The following ZDHHC21 variants were observed in gnomAD, a reference collection of about 807,000 sequenced individuals.
ZDHHC21 encodes zDHHC palmitoyltransferase 21.
Under a neutral mutation model 34.6 loss-of-function variants are expected in ZDHHC21, and 15 were observed. The observed-to-expected ratio is 0.43, with a 90% CI of 0.29 to 0.67. The LOEUF (loss-of-function observed/expected upper bound fraction) is 0.67, where lower values mean the gene tolerates loss of function less well. Among genes scored for constraint, ZDHHC21 ranks in the 30% least tolerant of loss-of-function variants. The pLI is 0.14. For missense variants in ZDHHC21, 344 were observed against 327.7 expected (o/e 1.05, Z -0.38); for synonymous variants, 142 against 101.8 (o/e 1.40, Z -2.38).
chr9:14,635,465 T>C (rs1458286888), intron 8 of ZDHHC21, among the ~76,000 whole-genome samples: 2 of 152,240 alleles, frequency 1.3e-5, no homozygotes, highest in Non-Finnish European at 2.9e-5. Flanking sequence ...ATGAGGAATC[T>C]GCATCAGACT....
the ZDHHC21 span, among the ~76,000 whole-genome samples, chr9:14,592,529 C>G: frequency 6.6e-6 from 1 of 151,906 alleles, no homozygotes; most frequent in Non-Finnish European, 1.5e-5. Context: ...AAAGCAAAAC[C>G]TGAAAGAATT....
intron 5 of ZDHHC21, 32 bp downstream of exon 5, chr9:14,672,798 T>C: frequency 7.0e-7 from 1 of 1,432,102 alleles, no homozygotes; most frequent in Non-Finnish European, 9.7e-7. Flanking sequence ...AATTCTGGCA[T>C]CAGCAAAACT....
rs1010825682 is a variant in ZDHHC21 at position 14,616,188 on chromosome 9, G to A, written c.*2778C>T. On this transcript the variant is annotated 3_prime_UTR_variant, in exon 10 of 10. Coordinates refer to ENST00000380916, the MANE Select transcript of ZDHHC21 (RefSeq NM_178566.6). Reference sequence around the variant, plus strand: ...CAGAAAATGCTTGGTTGTCTTTGTAGCTACAATACATTTCTATGTTTTGTA... The same window carrying A: ...CAGAAAATGCTTGGTTGTCTTTGTAACTACAATACATTTCTATGTTTTGTA... 6 of 151,658 alleles carry A rather than the reference G, an allele frequency of 4.0e-5. No individual in the cohort carries two copies. The highest frequency in any genetic ancestry group is 1.5e-4 in the African/African-American group (6 of 41,360). 9.4% of individuals were successfully genotyped at this position (151,658 alleles called of 1,614,324 possible).
At chr9:14,590,521 T>C in the ZDHHC21 span, among the ~76,000 whole-genome samples, 4 of 151,684 alleles carry the variant, frequency 2.6e-5, no homozygotes, top group African/African-American at 9.7e-5. Context: ...AAATGACATA[T>C]TGAATAAAAG....
intron 7 of ZDHHC21, among the ~76,000 whole-genome samples, chr9:14,652,235 G>C (rs1831363012): frequency 6.6e-6 from 1 of 151,822 alleles, no homozygotes; most frequent in Non-Finnish European, 1.5e-5. Context: ...GATTTTTTAA[G>C]TTACTATTTC....
intron 8 of ZDHHC21, among the ~76,000 whole-genome samples, chr9:14,635,363 GTCT>G (rs2133640390): frequency 6.6e-6 from 1 of 152,226 alleles, no homozygotes; most frequent in African/African-American, 2.4e-5. Context: ...ATGCAAAAAG[GTCT>G]TCTCCGATTT....
intron 7 of ZDHHC21, among the ~76,000 whole-genome samples, chr9:14,642,374 T>A (rs1397605793): frequency 6.6e-6 from 1 of 152,204 alleles, no homozygotes; most frequent in East Asian, 1.9e-4. Context: ...ATCCAAAAAT[T>A]GGCTTAAAAA....
chr9:14,691,306 T>C lies in ZDHHC21; in HGVS notation c.-224-921A>G, dbSNP rs553155767. Among the ~76,000 whole-genome samples the C allele has an allele frequency of 3.3e-5, 5 of 152,350 alleles. No homozygotes were observed. In the East Asian group the frequency reaches 7.7e-4, roughly 24 times the overall value. ...AAGAGGTTTTCGGGAAAATGGCTTA[T>C]GGATGGCAGCAGTTTGCACTTGTTA... On this transcript the variant is annotated intron_variant, in intron 1 of 9. Transcript: ENST00000380916.
chr9:14,614,879 T>C lies in ZDHHC21; in HGVS notation c.*4087A>G, dbSNP rs1419069335. The C allele has an allele frequency of 6.6e-6, 1 of 151,646 alleles. No homozygotes were observed. The highest frequency in any genetic ancestry group is 1.5e-5 in the Non-Finnish European group (1 of 67,678). 9.4% of individuals were successfully genotyped at this position (151,646 alleles called of 1,614,324 possible). A position where few individuals can be genotyped will look rare whatever the true frequency, so the allele number is the denominator to read the frequency against. ...TTTTATCAAATAAATTCTAGATATA[T>C]CTATGTATATTAGAGGTCATGTCAG... On this transcript the variant is annotated 3_prime_UTR_variant, in exon 10 of 10. Coordinates refer to ENST00000380916, the MANE Select transcript of ZDHHC21 (RefSeq NM_178566.6).
At chr9:14,649,946 T>C (rs1354625812) in intron 7 of ZDHHC21, among the ~76,000 whole-genome samples, 1 of 152,028 alleles carries the variant, frequency 6.6e-6, no homozygotes, top group East Asian at 1.9e-4. Flanking sequence ...GACAATAAAA[T>C]TGCTGCCAGG....
intron 8 of ZDHHC21, among the ~76,000 whole-genome samples, chr9:14,636,596 G>T (rs1012991929): frequency 1.3e-5 from 2 of 152,036 alleles, no homozygotes; most frequent in African/African-American, 4.8e-5. Flanking sequence ...AACAGCTACA[G>T]AATACACATT....
At chr9:14,681,970 C>T (rs186714824) in intron 2 of ZDHHC21, among the ~76,000 whole-genome samples, 1 of 152,036 alleles carries the variant, frequency 6.6e-6, no homozygotes, top group African/African-American at 2.4e-5. Context: ...AAATAAAATC[C>T]TTTACAGACA....
intron 4 of ZDHHC21, among the ~76,000 whole-genome samples, 169 bp from the exon 5 acceptor site, chr9:14,673,097 G>C (rs1400230623): frequency 2.6e-5 from 4 of 151,908 alleles, no homozygotes; most frequent in East Asian, 3.9e-4. Context: ...ACACTGTCAG[G>C]AGGACTATCT....
rs778896153 is a variant in ZDHHC21 at position 14,618,954 on chromosome 9, C to T, written c.*12G>A. The T allele has an allele frequency of 1.9e-6, 3 of 1,587,358 alleles. No individual in the cohort carries two copies. The highest frequency in any genetic ancestry group is 2.6e-6 in the Non-Finnish European group (3 of 1,166,310). ...AGCATGGAGGACCCATCTGTGCCCA[C>T]CATCCATCTGTTTAGACATGATTGG... On this transcript the variant is annotated 3_prime_UTR_variant, in exon 10 of 10. Transcript: ENST00000380916.
At chr9:14,629,385 G>A (rs1257543416) in intron 8 of ZDHHC21, among the ~76,000 whole-genome samples, 1 of 152,084 alleles carries the variant, frequency 6.6e-6, no homozygotes, top group East Asian at 1.9e-4. Context: ...TTGATAGAAG[G>A]GAAGAGAGTC....
chr9:14,686,994 A>G (rs1054939392), intron 2 of ZDHHC21, among the ~76,000 whole-genome samples: 3 of 150,352 alleles, frequency 2.0e-5, no homozygotes, highest in African/African-American at 7.5e-5. Flanking sequence ...AAAAAAAACA[A>G]TGTTAAAGAG....
intron 6 of ZDHHC21, among the ~76,000 whole-genome samples, chr9:14,659,168 CTGA>C (rs1286884062): frequency 2.6e-5 from 4 of 152,094 alleles, no homozygotes; most frequent in African/African-American, 9.7e-5. Context: ...TCCTGTGTCA[CTGA>C]TATGGAAACA....
At chr9:14,605,300 G>A in the ZDHHC21 span, among the ~76,000 whole-genome samples, 1 of 151,342 alleles carries the variant, frequency 6.6e-6, no homozygotes, top group Non-Finnish European at 1.5e-5. Flanking sequence ...CAAAACAGCT[G>A]CACCATTTTA....
chr9:14,665,010 C>T (rs1423435785), intron 5 of ZDHHC21, among the ~76,000 whole-genome samples: 3 of 132,166 alleles, frequency 2.3e-5, no homozygotes, highest in Non-Finnish European at 3.2e-5. Context: ...ATGACTTTGA[C>T]GAGCTGAGAG....
Sources: allele counts gnomAD v4.1 joint callset (sites outside exome capture counted in the v4.1 genomes callset), GRCh38; gene constraint gnomAD v4.1.1; transcripts MANE v1.5; gene names NCBI Gene and HGNC (gene_info 2026-07-23, HGNC 2026-07-21).